PALLD: variants seen among roughly 807,000 people sequenced by gnomAD.
The protein encoded by PALLD is palladin, cytoskeletal associated protein, also known as palladin.
In PALLD, 61 loss-of-function variants were observed where a neutral mutation model predicts 123.5. That is an observed-to-expected ratio of 0.49 (90% CI 0.40 to 0.61). The LOEUF (loss-of-function observed/expected upper bound fraction) is 0.61, where lower values mean the gene tolerates loss of function less well. PALLD is among the 20% of genes least tolerant of loss of function. The pLI, the probability that PALLD is intolerant of heterozygous loss-of-function variation, is 0.00. For missense variants in PALLD, 1,273 were observed against 1,377.0 expected (o/e 0.92, Z 1.20); for synonymous variants, 465 against 496.4 (o/e 0.94, Z 0.84).
At position 168,581,364 on chromosome 4, in the gene PALLD, C is replaced by T. The variant is rs191915221; in HGVS notation, c.908+68952C>T. On this transcript the variant is annotated intron_variant, in intron 2 of 21. Coordinates refer to ENST00000505667, the MANE Select transcript of PALLD (RefSeq NM_001166108.2). ...TAATGGCTGCACCAGTTTCCATTCC[C>T]ACCAACAGTGTACAAGGGTTTGCTT... 1.5e-3 allele frequency among the ~76,000 whole-genome samples: 233 copies of T among 152,064 alleles called. 2 individuals carry two copies. Among genetic ancestry groups the T allele is most frequent in the African/African-American group, 5.0e-3 (208 of 41,506 alleles).
intron 1 of PALLD, among the ~76,000 whole-genome samples, chr4:168,499,051 TAGAA>T (rs1265465206): frequency 1.3e-5 from 2 of 151,412 alleles, no homozygotes; most frequent in Non-Finnish European, 2.9e-5. Context: ...ATTTAATAAT[TAGAA>T]AGGAAAATAA....
chr4:168,591,250 G>A (rs189680264), intron 2 of PALLD, among the ~76,000 whole-genome samples: 10 of 152,216 alleles, frequency 6.6e-5, no homozygotes, highest in East Asian at 5.8e-4. Flanking sequence ...TTACTGGAAC[G>A]GTTCCTCCCA....
intron 10 of PALLD, chr4:168,832,055 C>T (rs1023781253): frequency 6.1e-6 from 6 of 985,284 alleles, no homozygotes; most frequent in Non-Finnish European, 7.2e-6. Flanking sequence ...AGTCACCCGG[C>T]GGGCGAGGTA....
At chr4:168,686,382 C>T (rs968067451) in intron 6 of PALLD, among the ~76,000 whole-genome samples, 2 of 152,110 alleles carry the variant, frequency 1.3e-5, no homozygotes, top group African/African-American at 4.8e-5. Flanking sequence ...CCTTGTCCCC[C>T]ACCTCCCGAC....
chr4:168,515,725 G>A (rs904547691), intron 2 of PALLD, among the ~76,000 whole-genome samples: 2 of 152,194 alleles, frequency 1.3e-5, no homozygotes, highest in South Asian at 2.1e-4. Context: ...CCTTGCAAGA[G>A]TTTAAGCAAG....
intron 10 of PALLD, 97 bp from the exon 11 acceptor site, chr4:168,890,825 T>G (rs948166176): frequency 1.6e-6 from 2 of 1,226,438 alleles, no homozygotes; most frequent in African/African-American, 3.0e-5. Flanking sequence ...GGGAGTGACA[T>G]GCTGATACCT....
In PALLD at chr4:168,878,158, G is replaced by T. The variant is rs863224384; in HGVS notation, c.1965-12764G>T. 8.9e-6 allele frequency: 7 copies of T among 789,492 alleles called. No individual in the cohort carries two copies. The East Asian group carries it at 2.9e-4, about 33-fold the overall frequency. 48.9% of individuals were successfully genotyped at this position (789,492 alleles called of 1,614,324 possible). A position where few individuals can be genotyped will look rare whatever the true frequency, so the allele number is the denominator to read the frequency against. On this transcript the variant is annotated intron_variant, in intron 10 of 21. Coordinates refer to ENST00000505667, the MANE Select transcript of PALLD (RefSeq NM_001166108.2). ...GGGGCTCCTCCTCGCCGTCGCCCCC[G>T]CCCCCGCCACCCCCGGTCTTCAGCC...
chr4:168,551,066 T>C (rs1002520781), intron 2 of PALLD, among the ~76,000 whole-genome samples: 1 of 152,226 alleles, frequency 6.6e-6, no homozygotes. Context: ...CCTTGTTACA[T>C]TATAATTTTT....
rs182834779 is a variant in PALLD at position 168,825,549 on chromosome 4, G to T, written c.1965-65373G>T. On this transcript the variant is annotated intron_variant, in intron 10 of 21. Transcript: ENST00000505667. ...TTCAAGTTTAAGATGTGAAGTGCTG[G>T]GTAGAAGGAGGTTTCAGAGATGACA... 2.2e-3 allele frequency among the ~76,000 whole-genome samples: 337 copies of T among 152,280 alleles called. 1 individual carries two copies. The highest frequency in any genetic ancestry group is 6.0e-3 in the African/African-American group (249 of 41,560).
intron 2 of PALLD, among the ~76,000 whole-genome samples, chr4:168,533,583 G>GT (rs1182935567): frequency 6.6e-6 from 1 of 152,202 alleles, no homozygotes; most frequent in Non-Finnish European, 1.5e-5. Flanking sequence ...TCCATACGAT[G>GT]TTTACGTTAC....
chr4:168,572,796 A>C (rs967512823), intron 2 of PALLD, among the ~76,000 whole-genome samples: 4 of 151,772 alleles, frequency 2.6e-5, no homozygotes, highest in Non-Finnish European at 5.9e-5. Context: ...TTCCACGGAC[A>C]TCAGCAGCTA....
intron 10 of PALLD, among the ~76,000 whole-genome samples, chr4:168,750,062 C>T (rs183118220): frequency 6.6e-6 from 1 of 152,206 alleles, no homozygotes; most frequent in African/African-American, 2.4e-5. Flanking sequence ...TTCTCCCTGC[C>T]TCAACCTCCT....
At chr4:168,659,833 A>G (rs1367296797) in intron 2 of PALLD, among the ~76,000 whole-genome samples, 1 of 152,216 alleles carries the variant, frequency 6.6e-6, no homozygotes, top group Non-Finnish European at 1.5e-5. Flanking sequence ...TAAAATAAAG[A>G]TAGCCAAAAG....
At chr4:168,734,674 T>C (rs2150321357) in intron 10 of PALLD, among the ~76,000 whole-genome samples, 1 of 152,276 alleles carries the variant, frequency 6.6e-6, no homozygotes, top group East Asian at 1.9e-4. Context: ...GAGTACAATA[T>C]TCTATTAAAA....
intron 10 of PALLD, among the ~76,000 whole-genome samples, chr4:168,758,484 G>A (rs930305256): frequency 2.6e-5 from 4 of 152,074 alleles, no homozygotes; most frequent in Admixed American, 6.6e-5. Context: ...TGTTCCCCAC[G>A]TTGCATTCAG....
At chr4:168,590,874 T>G (rs1258190217) in intron 2 of PALLD, among the ~76,000 whole-genome samples, 5 of 135,272 alleles carry the variant, frequency 3.7e-5, no homozygotes, top group African/African-American at 1.1e-4. Flanking sequence ...GTTTTTTTTT[T>G]TTTTTTTTTT....
intron 2 of PALLD, among the ~76,000 whole-genome samples, chr4:168,661,450 A>G (rs576028146): frequency 2.0e-5 from 3 of 152,352 alleles, no homozygotes; most frequent in Admixed American, 6.5e-5. Flanking sequence ...ATGAATGAGT[A>G]TGACTAGATC....
chr4:168,825,564 C>G (rs769234109), intron 10 of PALLD, among the ~76,000 whole-genome samples: 6 of 152,176 alleles, frequency 3.9e-5, no homozygotes, highest in Non-Finnish European at 7.4e-5. Context: ...AAGGAGGTTT[C>G]AGAGATGACA....
intron 10 of PALLD, among the ~76,000 whole-genome samples, chr4:168,839,779 G>A (rs969258843): frequency 5.3e-5 from 8 of 152,152 alleles, no homozygotes; most frequent in Non-Finnish European, 1.2e-4. Flanking sequence ...CTGAGTGGGA[G>A]ACCATGATTT....
Sources: gnomAD v4.1 joint callset for allele counts (sites outside exome capture counted in the v4.1 genomes callset) on GRCh38, gnomAD v4.1.1 for gene constraint, MANE v1.5 for transcripts, NCBI Gene and HGNC (gene_info 2026-07-23, HGNC 2026-07-21) for gene names.